Variants in ERC2 observed in about 807,000 individuals in gnomAD.
ERC2 encodes the protein ERC protein 2.
In ERC2, 42 loss-of-function variants were observed where a neutral mutation model predicts 114.8. That is an observed-to-expected ratio of 0.37 (90% CI 0.29 to 0.47). The LOEUF (loss-of-function observed/expected upper bound fraction) is 0.47, where lower values mean the gene tolerates loss of function less well. ERC2 is among the 20% of genes least tolerant of loss of function. ERC2 has a pLI of 0.99. For missense variants in ERC2, 939 were observed against 1,150.7 expected, an observed-to-expected ratio of 0.82 and a Z score of 2.66; for synonymous variants, 454 against 425.5, an observed-to-expected ratio of 1.07 and a Z score of -0.82.
intron 5 of ERC2, among the ~76,000 whole-genome samples, chr3:56,142,468 T>A (rs1156460625): frequency 1.3e-5 from 2 of 152,144 alleles, no homozygotes; most frequent in Non-Finnish European, 2.9e-5. Context: ...TTTTAAATAT[T>A]TCCTTCCTTC....
At chr3:55,956,878 G>T (rs1025384158) in intron 12 of ERC2, among the ~76,000 whole-genome samples, 1 of 152,010 alleles carries the variant, frequency 6.6e-6, no homozygotes, top group African/African-American at 2.4e-5. Flanking sequence ...TCTCCCTACC[G>T]ATGGTCCTTG....
At chr3:55,735,787 G>A (rs1317053705) in intron 14 of ERC2, among the ~76,000 whole-genome samples, 1 of 152,084 alleles carries the variant, frequency 6.6e-6, no homozygotes, top group Non-Finnish European at 1.5e-5. Flanking sequence ...ATTTTCTTTT[G>A]AAGGCAGGCA....
At chr3:56,217,267 A>C (rs1300940495) in intron 3 of ERC2, among the ~76,000 whole-genome samples, 1 of 152,212 alleles carries the variant, frequency 6.6e-6, no homozygotes, top group African/African-American at 2.4e-5. Context: ...AAATCTCCTT[A>C]AGCTGATAAG....
intron 17 of ERC2, among the ~76,000 whole-genome samples, chr3:55,665,441 T>C (rs1030830270): frequency 2.0e-5 from 3 of 152,196 alleles, no homozygotes; most frequent in African/African-American, 7.2e-5. Context: ...CAGATCTCAT[T>C]TGTTAAGATG....
chr3:55,539,808 A>G (rs958573700), intron 17 of ERC2, among the ~76,000 whole-genome samples: 1 of 152,140 alleles, frequency 6.6e-6, no homozygotes, highest in Non-Finnish European at 1.5e-5. Context: ...AGAATTGGCC[A>G]AATGTTTGTG....
chr3:56,159,858 T>A (rs1314555912), intron 4 of ERC2, among the ~76,000 whole-genome samples: 4 of 152,208 alleles, frequency 2.6e-5, no homozygotes, highest in Non-Finnish European at 4.4e-5. Context: ...TATGGCTGTA[T>A]ATAGTATCCC....
At chr3:56,011,370 G>C (rs1186801171) in intron 8 of ERC2, among the ~76,000 whole-genome samples, 1 of 151,992 alleles carries the variant, frequency 6.6e-6, no homozygotes, top group African/African-American at 2.4e-5. Context: ...ACGGTGTAGA[G>C]GTGAGGAAAC....
intron 14 of ERC2, among the ~76,000 whole-genome samples, chr3:55,781,688 A>G (rs1008878215): frequency 2.0e-5 from 3 of 151,704 alleles, no homozygotes; most frequent in Non-Finnish European, 4.4e-5. Flanking sequence ...CCTGGCCAAC[A>G]GGTGAAACCC....
intron 14 of ERC2, among the ~76,000 whole-genome samples, chr3:55,884,207 C>T (rs1198042951): frequency 6.6e-6 from 1 of 152,022 alleles, no homozygotes; most frequent in Non-Finnish European, 1.5e-5. Flanking sequence ...GACACAGATG[C>T]CCAATAATGA....
chr3:56,081,099 G>GT (rs2077207461), intron 6 of ERC2, 115 bp from the exon 7 acceptor site: 5 of 1,082,556 alleles, frequency 4.6e-6, no homozygotes, highest in Non-Finnish European at 6.6e-6. Context: ...AAGGCACAAT[G>GT]GAACCACTGC....
In ERC2 at chr3:56,435,001, C is replaced by T. The variant is rs1328234929; in HGVS notation, c.7G>A (p.Gly3Arg). Reference protein sequence around the residue: MYGSARTITNLEG... With the variant: MYRSARTITNLEG... Reference sequence around the variant, plus strand: ...AGATTGGTGATTGTTCTTGCACTTCCATACATTTTTCTTGTATTATGAGGT... The same window carrying T: ...AGATTGGTGATTGTTCTTGCACTTCTATACATTTTTCTTGTATTATGAGGT... Residue 3 changes from glycine to arginine, a missense_variant, in exon 2 of 18, where the codon GGA becomes AGA. Around this residue, in one of 5 missense-constraint regions of ERC2, gnomAD observed 281 missense variants for 307.4 expected, o/e 0.91. Transcript: ENST00000288221. The T allele has an allele frequency of 6.2e-7, 1 of 1,606,612 alleles. No homozygotes were observed. The highest frequency in any genetic ancestry group is 8.5e-7 in the Non-Finnish European group (1 of 1,178,556).
chr3:55,943,260 C>T (rs1053072422), intron 13 of ERC2, among the ~76,000 whole-genome samples: 2 of 152,092 alleles, frequency 1.3e-5, no homozygotes, highest in African/African-American at 4.8e-5. Context: ...TTTTCTTCTC[C>T]CAGTCCTTTT....
chr3:56,057,729 G>C (rs1489282766), intron 7 of ERC2, among the ~76,000 whole-genome samples: 4 of 152,112 alleles, frequency 2.6e-5, no homozygotes, highest in African/African-American at 9.7e-5. Context: ...AGGCACTTGG[G>C]ATACGTCAGT....
chr3:55,796,317 T>C (rs575944180), intron 14 of ERC2, among the ~76,000 whole-genome samples: 5 of 152,336 alleles, frequency 3.3e-5, no homozygotes, highest in African/African-American at 1.2e-4. Context: ...AAAGTGAGGT[T>C]GGTGAAGCTC....
At chr3:56,304,864 C>T (rs34715192) in intron 2 of ERC2, among the ~76,000 whole-genome samples, 37,474 of 151,994 alleles carry the variant, frequency 0.25, 5,085 homozygotes, top group Non-Finnish European at 0.3. Flanking sequence ...CTGCTGCAAA[C>T]TGACAGTATC....
At chr3:55,574,826 C>G (rs2056893266) in intron 17 of ERC2, among the ~76,000 whole-genome samples, 1 of 152,174 alleles carries the variant, frequency 6.6e-6, no homozygotes, top group South Asian at 2.1e-4. Flanking sequence ...TTAACTATCA[C>G]AAGTGCCCTC....
At chr3:55,933,559 G>T (rs2066254101) in intron 13 of ERC2, among the ~76,000 whole-genome samples, 1 of 152,344 alleles carries the variant, frequency 6.6e-6, no homozygotes, top group East Asian at 1.9e-4. Context: ...CAGCCTATAT[G>T]TGCAGGGCTA....
chr3:55,922,645 C>T (rs191735174), intron 13 of ERC2, among the ~76,000 whole-genome samples: 3 of 152,244 alleles, frequency 2.0e-5, no homozygotes, highest in Admixed American at 1.3e-4. Context: ...AAACAGAGAT[C>T]CTACGTAACT....
At chr3:56,070,116 C>G (rs549747204) in intron 7 of ERC2, among the ~76,000 whole-genome samples, 76 of 152,240 alleles carry the variant, frequency 5.0e-4, no homozygotes, top group African/African-American at 1.8e-3. Flanking sequence ...ATGATAAATG[C>G]CAATATAGAT....
Sources: gnomAD v4.1 joint callset for allele counts (sites outside exome capture counted in the v4.1 genomes callset) on GRCh38, gnomAD v4.1.1 for gene constraint, gnomAD v4.1.1 regional missense constraint, MANE v1.5 for transcripts, NCBI Gene and HGNC (gene_info 2026-07-23, HGNC 2026-07-21) for gene names.